The following KDM4C variants were observed in gnomAD, a reference collection of about 807,000 sequenced individuals.
KDM4C encodes the protein lysine demethylase 4C.
A neutral mutation model predicts 129.3 loss-of-function variants in KDM4C; 81 were observed. The ratio of observed to expected loss-of-function variants is 0.63; its 90% confidence interval spans 0.52 to 0.75. The LOEUF is 0.75. Among genes scored for constraint, KDM4C ranks in the 30% least tolerant of loss-of-function variants. The pLI is 0.00. For missense variants in KDM4C, 1,457 were observed against 1,304.0 expected, an observed-to-expected ratio of 1.12 and a Z score of -1.81; for synonymous variants, 573 against 456.1, an observed-to-expected ratio of 1.26 and a Z score of -3.26.
chr9:6,767,824 C>T (rs556905318), intron 1 of KDM4C, among the ~76,000 whole-genome samples: 1 of 152,230 alleles, frequency 6.6e-6, no homozygotes, highest in South Asian at 2.1e-4. Context: ...TAAAGTGATA[C>T]CTCTCAGTCT....
intron 4 of KDM4C, among the ~76,000 whole-genome samples, chr9:6,846,079 C>G (rs1275254434): frequency 6.6e-6 from 1 of 152,142 alleles, no homozygotes; most frequent in Non-Finnish European, 1.5e-5. Flanking sequence ...GTGGCACTGC[C>G]TCTGGTGGGA....
chr9:6,741,715 A>AAAGTTTTTTTT (rs1390346853), intron 1 of KDM4C, among the ~76,000 whole-genome samples: 414 of 26,262 alleles, frequency 0.016, no homozygotes, highest in African/African-American at 0.06. Flanking sequence ...GACACTTTTT[A>AAAGTTTTTTTT]TTCAGCACTT....
In KDM4C at chr9:6,721,056, C is replaced by A. The variant is rs1342352401; in HGVS notation, c.49+59C>A. 3 of 1,396,576 alleles carry A rather than the reference C, an allele frequency of 2.1e-6. No homozygotes were observed. In the African/African-American group the frequency reaches 4.3e-5, roughly 20 times the overall value. 86.5% of individuals were successfully genotyped at this position (1,396,576 alleles called of 1,614,324 possible). A position where few individuals can be genotyped will look rare whatever the true frequency, so the allele number is the denominator to read the frequency against. ...TTGTACATAGTTGGTGGTTCTGTCA[C>A]ACTTAAAGCAATGTTAATTTCTTTA... On this transcript the variant is annotated intron_variant, in intron 1 of 17. Transcript: ENST00000536108.
intron 6 of KDM4C, among the ~76,000 whole-genome samples, chr9:6,883,090 C>A (rs977870767): frequency 1.3e-5 from 2 of 152,156 alleles, no homozygotes; most frequent in South Asian, 2.1e-4. Context: ...AATAGAAGAG[C>A]AGCAATAAAT....
intron 12 of KDM4C, among the ~76,000 whole-genome samples, chr9:6,998,467 A>G (rs1479760971): frequency 6.6e-6 from 1 of 152,198 alleles, no homozygotes; most frequent in Non-Finnish European, 1.5e-5. Flanking sequence ...ACTTCCTTAA[A>G]TGGTTTTCTC....
intron 18 of KDM4C, among the ~76,000 whole-genome samples, chr9:7,114,915 C>A (rs1838729591): frequency 6.6e-6 from 1 of 152,064 alleles, no homozygotes; most frequent in South Asian, 2.1e-4. Context: ...CCCATCTCTA[C>A]CAAAAATACT....
chr9:7,106,733 G>A (rs567013449), intron 18 of KDM4C, among the ~76,000 whole-genome samples: 1 of 152,172 alleles, frequency 6.6e-6, no homozygotes, highest in East Asian at 1.9e-4. Flanking sequence ...GAGCTCAAGA[G>A]ATCCTTTAGC....
At chr9:7,151,703 G>A (rs1587888455) in intron 19 of KDM4C, among the ~76,000 whole-genome samples, 1 of 152,182 alleles carries the variant, frequency 6.6e-6, no homozygotes. Flanking sequence ...AGGGAAAGTG[G>A]ACAGTAGACT....
At chr9:7,024,768 A>T (rs138732437) in intron 15 of KDM4C, among the ~76,000 whole-genome samples, 2,907 of 152,250 alleles carry the variant, frequency 0.019, 94 homozygotes, top group African/African-American at 0.064. Flanking sequence ...AGTCTTTGCT[A>T]TTGTGAATAG....
intron 8 of KDM4C, among the ~76,000 whole-genome samples, chr9:6,951,357 A>G (rs1828110185): frequency 6.6e-6 from 1 of 152,186 alleles, no homozygotes; most frequent in African/African-American, 2.4e-5. Context: ...ACCTGATAAT[A>G]AACTCTGTCT....
chr9:6,903,767 A>G (rs1181156518), intron 8 of KDM4C, among the ~76,000 whole-genome samples: 1 of 152,214 alleles, frequency 6.6e-6, no homozygotes, highest in Non-Finnish European at 1.5e-5. Context: ...GAAATTTGTA[A>G]AAATAAAAAT....
chr9:6,901,699 G>A (rs1217787411), intron 8 of KDM4C, among the ~76,000 whole-genome samples: 1 of 152,186 alleles, frequency 6.6e-6, no homozygotes, highest in Non-Finnish European at 1.5e-5. Context: ...TCTGCCTGTG[G>A]AGAAGAAAGA....
chr9:6,872,768 C>T (rs1039349600), intron 5 of KDM4C, among the ~76,000 whole-genome samples: 40 of 152,072 alleles, frequency 2.6e-4, no homozygotes, highest in African/African-American at 9.4e-4. Context: ...TGGGTCTTTG[C>T]ACGTGAGATG....
chr9:6,724,666 T>C (rs62569485), intron 1 of KDM4C, among the ~76,000 whole-genome samples: 53 of 152,018 alleles, frequency 3.5e-4, no homozygotes, highest in African/African-American at 1.3e-3. Context: ...GAGCAGCTGG[T>C]ACTACAGGCA....
intron 4 of KDM4C, among the ~76,000 whole-genome samples, chr9:6,848,662 G>T (rs143669662): frequency 5.3e-5 from 8 of 150,946 alleles, no homozygotes; most frequent in African/African-American, 2.0e-4. Context: ...GAGTGAGACT[G>T]TCTCAGGGGA....
At chr9:7,022,469 A>G (rs1412957093) in intron 15 of KDM4C, among the ~76,000 whole-genome samples, 1 of 152,098 alleles carries the variant, frequency 6.6e-6, no homozygotes, top group Admixed American at 6.6e-5. Context: ...CTGTTGGTAT[A>G]TAGAAATGCT....
chr9:6,880,708 C>T (rs1011855956), intron 6 of KDM4C, among the ~76,000 whole-genome samples: 1 of 152,142 alleles, frequency 6.6e-6, no homozygotes, highest in African/African-American at 2.4e-5. Context: ...GAATAAAGAA[C>T]TTTTCTGGAC....
intron 17 of KDM4C, chr9:7,076,371 T>A (rs1570511): frequency 8.5e-7 from 1 of 1,176,894 alleles, no homozygotes; most frequent in Non-Finnish European, 1.2e-6. Context: ...CCCATGCTAT[T>A]TTCACTATAA....
intron 8 of KDM4C, among the ~76,000 whole-genome samples, chr9:6,898,514 T>C (rs1816825721): frequency 6.6e-6 from 1 of 152,192 alleles, no homozygotes; most frequent in Admixed American, 6.5e-5. Flanking sequence ...TGTCAGAAAG[T>C]TGAAAAACTG....
Sources: gnomAD v4.1 joint callset for allele counts (sites outside exome capture counted in the v4.1 genomes callset) on GRCh38, gnomAD v4.1.1 for gene constraint, MANE v1.5 for transcripts, NCBI Gene and HGNC (gene_info 2026-07-23, HGNC 2026-07-21) for gene names.